KIRREL3: variants seen among roughly 807,000 people sequenced by gnomAD.
KIRREL3 encodes the protein kin of IRRE-like protein 3.
In KIRREL3, 36 loss-of-function variants were observed where a neutral mutation model predicts 89.7. That is an observed-to-expected ratio of 0.40 (90% CI 0.31 to 0.53). KIRREL3 has a LOEUF of 0.53. KIRREL3 is among the 20% of genes least tolerant of loss of function. KIRREL3 has a pLI of 0.49. For missense variants in KIRREL3, 864 were observed against 1,056.6 expected, an observed-to-expected ratio of 0.82 and a Z score of 2.53; for synonymous variants, 445 against 441.4, an observed-to-expected ratio of 1.01 and a Z score of -0.10.
At chr11:126,596,030 G>T (rs1477109201) in intron 1 of KIRREL3, among the ~76,000 whole-genome samples, 2 of 152,174 alleles carry the variant, frequency 1.3e-5, no homozygotes, top group Non-Finnish European at 2.9e-5. Flanking sequence ...GGGAGCCCTT[G>T]GCCCCTAGGA....
At chr11:126,497,193 AGTGT>A (rs367965833) in intron 4 of KIRREL3, among the ~76,000 whole-genome samples, 54 of 58,706 alleles carry the variant, frequency 9.2e-4, no homozygotes, top group African/African-American at 1.8e-3. Flanking sequence ...TGAGAGTGTG[AGTGT>A]GTGTGAGTGT....
chr11:126,577,738 G>C (rs1941333044), intron 1 of KIRREL3, among the ~76,000 whole-genome samples: 1 of 151,768 alleles, frequency 6.6e-6, no homozygotes. Flanking sequence ...CTCCAGCCTA[G>C]GCAACAGAGT....
intron 1 of KIRREL3, among the ~76,000 whole-genome samples, chr11:126,832,504 C>T (rs150660622): frequency 1.1e-4 from 16 of 152,238 alleles, no homozygotes; most frequent in East Asian, 1.9e-4. Context: ...AAGCTTGAAG[C>T]GGGACTGTAT....
intron 1 of KIRREL3, among the ~76,000 whole-genome samples, chr11:126,585,006 C>G (rs985292299): frequency 3.3e-5 from 5 of 151,916 alleles, no homozygotes; most frequent in Non-Finnish European, 5.9e-5. Flanking sequence ...GCAAGCTCCG[C>G]CTCCCGGGTT....
rs1341477540 is a variant in KIRREL3 at position 126,686,223 on chromosome 11, G to A, written c.56-123311C>T. On this transcript the variant is annotated intron_variant, in intron 1 of 16. Transcript: ENST00000525144. This position sits in a 1 kb window ranked among gnomAD's most constrained non-coding sequence, Gnocchi z 4.7. ...CTGCAGGGGCTTTCTCACGTGTGGC[G>A]CGGGTGTGGAGGCAGGTCTCCATGG... Among the ~76,000 whole-genome samples, 10 of 152,308 alleles carry A rather than the reference G, an allele frequency of 6.6e-5. No individual in the cohort carries two copies. In the East Asian group the frequency reaches 1.7e-3, roughly 26 times the overall value.
rs1956611698 is a variant in KIRREL3, at chr11:126,463,313, G to T, written c.592-6C>A. Reference sequence around the variant, plus strand: ...TTGCCGTCCCGAAGCAGGGTCTTGGGAGAAAGGGAAAGGGGAGAGAAAGCT... The same window carrying T: ...TTGCCGTCCCGAAGCAGGGTCTTGGTAGAAAGGGAAAGGGGAGAGAAAGCT... On this transcript the variant is annotated splice_region_variant and splice_polypyrimidine_tract_variant and intron_variant, in intron 5 of 16. Coordinates refer to ENST00000525144, the MANE Select transcript of KIRREL3 (RefSeq NM_032531.4). The surrounding 1 kb of genome is among the most constrained non-coding windows in gnomAD (Gnocchi z 5.9). The T allele has an allele frequency of 6.2e-7, 1 of 1,611,910 alleles. No homozygotes were observed.
chr11:126,984,474 G>A (rs1388211050), intron 1 of KIRREL3, among the ~76,000 whole-genome samples: 1 of 152,136 alleles, frequency 6.6e-6, no homozygotes, highest in African/African-American at 2.4e-5. Context: ...CAGTGCAGGG[G>A]GGTCACAGCC....
At chr11:126,693,607 CCACACACA>C (rs34918602) in intron 1 of KIRREL3, among the ~76,000 whole-genome samples, 6 of 149,884 alleles carry the variant, frequency 4.0e-5, no homozygotes, top group African/African-American at 1.2e-4. Flanking sequence ...GTGCCTGTGA[CCACACACA>C]CACACACACA....
In KIRREL3 at chr11:126,783,112, G is replaced by A. The variant is rs146331695; in HGVS notation, c.55+217343C>T. ...AGAAATTTATTCTCTCACAGTTCCG[G>A]AGAATGCACGTTTAAAAATTAAGGT... is the stretch of plus-strand genomic sequence containing the variant. On this transcript the variant is annotated intron_variant, in intron 1 of 16. Transcript: ENST00000525144. The surrounding 1 kb of genome is among the most constrained non-coding windows in gnomAD (Gnocchi z 4.3). Among the ~76,000 whole-genome samples the A allele has an allele frequency of 6.2e-3, 949 of 152,296 alleles. 9 individuals carry two copies. Among genetic ancestry groups the A allele is most frequent in the South Asian group, 0.025 (119 of 4,820 alleles).
rs1257055073 is a variant in KIRREL3, at chr11:126,758,666, C to T, written c.56-195754G>A. On this transcript the variant is annotated intron_variant, in intron 1 of 16. Coordinates refer to ENST00000525144, the MANE Select transcript of KIRREL3 (RefSeq NM_032531.4). Reference sequence around the variant, plus strand: ...ATTGCCCCAAAATGCTAATCACTTACGAACATCTAAATTATGACTGGAGAC... The same window carrying T: ...ATTGCCCCAAAATGCTAATCACTTATGAACATCTAAATTATGACTGGAGAC... Among the ~76,000 whole-genome samples the T allele has an allele frequency of 3.3e-5, 5 of 152,284 alleles. No individual in the cohort carries two copies. In the South Asian group the frequency reaches 6.2e-4, roughly 19 times the overall value.
intron 1 of KIRREL3, among the ~76,000 whole-genome samples, chr11:126,831,991 C>T (rs939391581): frequency 2.6e-5 from 4 of 152,188 alleles, no homozygotes; most frequent in Admixed American, 6.5e-5. Context: ...AGATAATGTG[C>T]TTCTTAAGTC....
chr11:126,598,429 C>A (rs578095027), intron 1 of KIRREL3, among the ~76,000 whole-genome samples: 1 of 152,130 alleles, frequency 6.6e-6, no homozygotes, highest in East Asian at 1.9e-4. Flanking sequence ...GTGATTGATG[C>A]GAATATTCAG....
rs147706779 is a variant in KIRREL3, at chr11:126,746,537, C to T, written c.56-183625G>A. Among the ~76,000 whole-genome samples, 11 of 152,256 alleles carry T rather than the reference C, an allele frequency of 7.2e-5. No individual in the cohort carries two copies. The East Asian group carries it at 2.1e-3, about 29-fold the overall frequency. ...TAGCATATGCTGCGGATACATCAGA[C>T]TCACAATTTTCAAAATGAAACCTCA... On this transcript the variant is annotated intron_variant, in intron 1 of 16. Coordinates refer to ENST00000525144, the MANE Select transcript of KIRREL3 (RefSeq NM_032531.4).
intron 1 of KIRREL3, among the ~76,000 whole-genome samples, chr11:126,706,769 TAA>T (rs1208743093): frequency 6.6e-6 from 1 of 152,242 alleles, no homozygotes; most frequent in Non-Finnish European, 1.5e-5. Context: ...TCTTTTTCTG[TAA>T]ACATCTTTTG....
chr11:126,602,723 C>G (rs369356161), intron 1 of KIRREL3, among the ~76,000 whole-genome samples: 1 of 152,232 alleles, frequency 6.6e-6, no homozygotes, highest in Non-Finnish European at 1.5e-5. Context: ...ATTTATGATA[C>G]TTACTGAGAC....
rs143281083 is a variant in KIRREL3, at chr11:126,647,570, G to A, written c.56-84658C>T. Among the ~76,000 whole-genome samples, 155 of 152,264 alleles carry A rather than the reference G, an allele frequency of 1.0e-3. 1 individual carries two copies. Among genetic ancestry groups the A allele is most frequent in the African/African-American group, 3.4e-3 (140 of 41,534 alleles). On this transcript the variant is annotated intron_variant, in intron 1 of 16. Transcript: ENST00000525144. This position sits in a 1 kb window ranked among gnomAD's most constrained non-coding sequence, Gnocchi z 4.9. ...TGCTGGGAGCCCAAAAGTTTACAGC[G>A]AAGATCAAATCTGTCAGCAAATCCC...
chr11:126,673,169 C>G (rs998834385), intron 1 of KIRREL3, among the ~76,000 whole-genome samples: 1 of 152,226 alleles, frequency 6.6e-6, no homozygotes, highest in Non-Finnish European at 1.5e-5. Context: ...GACAGCTACA[C>G]CTGCAAAGAC....
intron 12 of KIRREL3, 82 bp downstream of exon 12, chr11:126,436,729 C>A (rs1955354098): frequency 2.7e-6 from 4 of 1,477,482 alleles, no homozygotes; most frequent in Non-Finnish European, 3.7e-6. Flanking sequence ...CACCTTGCAG[C>A]CACCCGCGCC....
chr11:126,908,399 A>T lies in KIRREL3; in HGVS notation c.55+92056T>A, dbSNP rs1184047102. Among the ~76,000 whole-genome samples the T allele has an allele frequency of 6.6e-6, 1 of 152,166 alleles. No homozygotes were observed. The highest frequency in any genetic ancestry group is 2.4e-5 in the African/African-American group (1 of 41,420). ...CTGCTTGTGTTCAAAACTGGCCTCC[A>T]TCTCTGACCAGCTGTGTGACTTTGG... On this transcript the variant is annotated intron_variant, in intron 1 of 16. Coordinates refer to ENST00000525144, the MANE Select transcript of KIRREL3 (RefSeq NM_032531.4). The surrounding 1 kb of genome is among the most constrained non-coding windows in gnomAD (Gnocchi z 4.2).
Sources: gnomAD v4.1 joint callset for allele counts (sites outside exome capture counted in the v4.1 genomes callset) on GRCh38, gnomAD v4.1.1 for gene constraint, Gnocchi (gnomAD v3.1) non-coding constraint, MANE v1.5 for transcripts, NCBI Gene and HGNC (gene_info 2026-07-23, HGNC 2026-07-21) for gene names.